PTPRD: variants seen among roughly 807,000 people sequenced by gnomAD.
PTPRD encodes the protein protein tyrosine phosphatase receptor type D.
In PTPRD, 34 loss-of-function variants were observed where a neutral mutation model predicts 214.5. The ratio of observed to expected loss-of-function variants is 0.16; its 90% confidence interval spans 0.12 to 0.21. The LOEUF is 0.21. Ranked by LOEUF, PTPRD falls within the 10% of genes least tolerant of loss-of-function variation. The pLI is 1.00. For synonymous variants in PTPRD, 1,128 were observed against 845.7 expected (o/e 1.33, Z -5.79); for missense variants, 2,545 against 2,398.7 (o/e 1.06, Z -1.27).
chr9:9,484,566 C>T (rs376696483), intron 8 of PTPRD, among the ~76,000 whole-genome samples: 6 of 152,152 alleles, frequency 3.9e-5, no homozygotes, highest in African/African-American at 1.4e-4. Context: ...AAAAGCAGAA[C>T]AAACAACATT....
At chr9:10,581,377 G>A (rs2071725570) in intron 2 of PTPRD, among the ~76,000 whole-genome samples, 1 of 152,186 alleles carries the variant, frequency 6.6e-6, no homozygotes, top group Admixed American at 6.6e-5. Flanking sequence ...AAAGGAGACT[G>A]ACAAGTTTAT....
chr9:9,858,499 A>G (rs1339658180), intron 5 of PTPRD, among the ~76,000 whole-genome samples: 7 of 152,172 alleles, frequency 4.6e-5, no homozygotes, highest in African/African-American at 1.4e-4. Flanking sequence ...ATGTGCCAAC[A>G]TTCTCACATT....
chr9:8,779,849 C>T (rs1365411151), intron 11 of PTPRD, among the ~76,000 whole-genome samples: 7 of 145,998 alleles, frequency 4.8e-5, no homozygotes, highest in Non-Finnish European at 1.0e-4. Context: ...TAAGGATACT[C>T]CTTGGACTGT....
At chr9:8,968,534 GC>G (rs1309734926) in intron 11 of PTPRD, among the ~76,000 whole-genome samples, 2 of 151,868 alleles carry the variant, frequency 1.3e-5, no homozygotes, top group East Asian at 3.9e-4. Context: ...CATGTGTCAG[GC>G]AGGCACTTTT....
chr9:10,215,438 T>C (rs921122778), intron 3 of PTPRD, among the ~76,000 whole-genome samples: 1 of 152,142 alleles, frequency 6.6e-6, no homozygotes, highest in African/African-American at 2.4e-5. Context: ...CAGGGGAATG[T>C]AAATTTAACC....
intron 11 of PTPRD, among the ~76,000 whole-genome samples, chr9:8,865,261 C>G (rs113270445): frequency 1.3e-4 from 20 of 152,242 alleles, no homozygotes; most frequent in African/African-American, 4.1e-4. Flanking sequence ...AACCAGAAAA[C>G]AAGAATCTGT....
Position 8,449,779 on chromosome 9 carries a change from A to G in PTPRD, c.3934T>C (p.Ser1312Pro). Residue 1312 changes from serine to proline, a missense_variant, in exon 34 of 46, where the codon TCA (serine) becomes CCA (proline). By Grantham distance (74) the Ser-to-Pro change is moderately conservative. Transcript: ENST00000381196. Reference sequence around the variant, plus strand: ...TCTACAGGGTCTGTTGGGTGGTGTGAAGGGATCTCCTTATTGTTCGGTATG... The same window carrying G: ...TCTACAGGGTCTGTTGGGTGGTGTGGAGGGATCTCCTTATTGTTCGGTATG... ...SSIPNNKEIP[S>P]HHPTDPVELR... 3 of 1,614,090 alleles carry G rather than the reference A, an allele frequency of 1.9e-6. No homozygotes were observed. Among genetic ancestry groups the G allele is most frequent in the Non-Finnish European group, 2.5e-6 (3 of 1,179,978 alleles).
chr9:8,801,242 T>C (rs959613301), intron 11 of PTPRD, among the ~76,000 whole-genome samples: 1 of 152,180 alleles, frequency 6.6e-6, no homozygotes, highest in Non-Finnish European at 1.5e-5. Flanking sequence ...ACATAGTAAT[T>C]ACTGGTTCTC....
At chr9:8,764,056 T>G (rs1190197509) in intron 11 of PTPRD, among the ~76,000 whole-genome samples, 1 of 152,220 alleles carries the variant, frequency 6.6e-6, no homozygotes, top group East Asian at 1.9e-4. Context: ...AAGGGAGTGT[T>G]AATTACTTCA....
At chr9:10,227,055 C>T (rs1281544849) in intron 3 of PTPRD, among the ~76,000 whole-genome samples, 1 of 151,918 alleles carries the variant, frequency 6.6e-6, no homozygotes, top group Non-Finnish European at 1.5e-5. Flanking sequence ...AACATCTATA[C>T]ATAATTTCAT....
At chr9:10,502,854 G>A (rs1206265155) in intron 2 of PTPRD, among the ~76,000 whole-genome samples, 2 of 151,966 alleles carry the variant, frequency 1.3e-5, no homozygotes, top group Non-Finnish European at 2.9e-5. Flanking sequence ...AGAGTCCGAA[G>A]ATAATTTATA....
chr9:10,160,558 G>A (rs1473269950), intron 3 of PTPRD, among the ~76,000 whole-genome samples: 1 of 151,692 alleles, frequency 6.6e-6, no homozygotes, highest in Non-Finnish European at 1.5e-5. Flanking sequence ...TCAAAAACTG[G>A]ATATAGAAAA....
intron 8 of PTPRD, among the ~76,000 whole-genome samples, chr9:9,411,076 AAAAT>A (rs2075272227): frequency 6.6e-6 from 1 of 152,104 alleles, no homozygotes; most frequent in Non-Finnish European, 1.5e-5. Context: ...TTGGACTAGA[AAAAT>A]AAATATGCCA....
chr9:9,746,464 T>C (rs1354747913), intron 6 of PTPRD, among the ~76,000 whole-genome samples: 2 of 152,144 alleles, frequency 1.3e-5, no homozygotes, highest in African/African-American at 4.8e-5. Context: ...CTTCAGTACT[T>C]AGATAATCAG....
intron 12 of PTPRD, among the ~76,000 whole-genome samples, chr9:8,708,493 G>A (rs529163419): frequency 1.3e-5 from 2 of 151,830 alleles, no homozygotes; most frequent in East Asian, 3.9e-4. Context: ...GACCAACATG[G>A]TGAAACCCCG....
chr9:8,532,553 C>G (rs779148928), intron 14 of PTPRD, among the ~76,000 whole-genome samples: 11 of 152,020 alleles, frequency 7.2e-5, no homozygotes, highest in Non-Finnish European at 1.2e-4. Flanking sequence ...TAGCTTTAAA[C>G]TTTTACATGA....
intron 3 of PTPRD, among the ~76,000 whole-genome samples, chr9:10,119,910 C>A (rs186154175): frequency 1.3e-5 from 2 of 152,070 alleles, no homozygotes; most frequent in African/African-American, 4.8e-5. Context: ...AGTTTTCCAA[C>A]GAAGACAGGC....
At chr9:8,858,842 G>GACAC (rs779235425) in intron 11 of PTPRD, among the ~76,000 whole-genome samples, 3 of 98,554 alleles carry the variant, frequency 3.0e-5, no homozygotes, top group African/African-American at 6.5e-5. Flanking sequence ...CACACACACA[G>GACAC]ACACACAGAC....
At chr9:9,210,431 T>C (rs2099947776) in intron 9 of PTPRD, among the ~76,000 whole-genome samples, 1 of 152,230 alleles carries the variant, frequency 6.6e-6, no homozygotes, top group African/African-American at 2.4e-5. Context: ...AATTTCTTAA[T>C]TTGCCATGAA....
Sources: gnomAD v4.1 joint callset for allele counts (sites outside exome capture counted in the v4.1 genomes callset) on GRCh38, gnomAD v4.1.1 for gene constraint, MANE v1.5 for transcripts, NCBI Gene and HGNC (gene_info 2026-07-23, HGNC 2026-07-21) for gene names.